The following CDK2 variants were observed in gnomAD, a reference collection of about 807,000 sequenced individuals.
CDK2 encodes the protein cyclin dependent kinase 2.
A neutral mutation model predicts 35.0 loss-of-function variants in CDK2; 8 were observed. The observed-to-expected ratio is 0.23, with a 90% CI of 0.13 to 0.41. The LOEUF is 0.41. Among genes scored for constraint, CDK2 ranks in the 10% least tolerant of loss-of-function variants. The pLI, the probability that CDK2 is intolerant of heterozygous loss-of-function variation, is 1.00. For missense variants in CDK2, 201 were observed against 367.1 expected (o/e 0.55, Z 3.70); for synonymous variants, 134 against 137.7 (o/e 0.97, Z 0.19).
chr12:55,967,297 C>CT, intron 1 of CDK2, 173 bp downstream of exon 1: 1 of 610,684 alleles, frequency 1.6e-6, no homozygotes, highest in Non-Finnish European at 2.9e-6. Flanking sequence ...CTTATACTCC[C>CT]TGGGGAGAGT....
At chr12:55,968,257 C>T in intron 3 of CDK2, 88 bp downstream of exon 3, 1 of 1,479,312 alleles carries the variant, frequency 6.8e-7, no homozygotes, top group South Asian at 1.2e-5. Flanking sequence ...ATGATTTTGG[C>T]CTCCTTCTGA....
chr12:55,968,699 T>G lies in CDK2; in HGVS notation c.316-79T>G, dbSNP rs113593981. On this transcript the variant is annotated intron_variant, in intron 3 of 6. Coordinates refer to ENST00000266970, the MANE Select transcript of CDK2 (RefSeq NM_001798.5). ...TAATCCAACATAATAAAGGCTTTAG[T>G]AGAGTTTTAGGGGCACAGAGCAAAC... 128 of 1,076,158 alleles carry G rather than the reference T, an allele frequency of 1.2e-4. No homozygotes were observed. The African/African-American group carries it at 1.8e-3, about 15-fold the overall frequency. 66.7% of individuals were successfully genotyped at this position (1,076,158 alleles called of 1,614,324 possible).
In CDK2 at chr12:55,967,866, G is replaced by T; in HGVS notation, c.126G>T (p.Glu42Asp). 1 of 1,613,806 alleles carries T rather than the reference G, an allele frequency of 6.2e-7. No individual in the cohort carries two copies. The highest frequency in any genetic ancestry group is 8.5e-7 in the Non-Finnish European group (1 of 1,179,710). ...TCCCAACCTCTCCAAGTGAGACTGA[G>T]GGTGTGCCCAGTACTGCCATCCGAG... Reference protein sequence around the residue: ...LKKIRLDTETEGVPSTAIREI... With the variant: ...LKKIRLDTETDGVPSTAIREI... The change falls in exon 2 of 7, where the codon GAG becomes GAT. Residue 42 changes from glutamate to aspartate, a missense_variant. Glu to Asp is a conservative substitution (Grantham distance 45). This residue lies in a region of CDK2 where 37 missense variants were observed against 108.4 expected (regional missense o/e 0.34). Transcript: ENST00000266970.
At position 55,966,837 on chromosome 12, in the gene CDK2, C is replaced by G; in HGVS notation, c.-172C>G. On this transcript the variant is annotated 5_prime_UTR_variant, in exon 1 of 7. Coordinates refer to ENST00000266970, the MANE Select transcript of CDK2 (RefSeq NM_001798.5). ...TCGGTGGGAGGCGGCAACATTGTTT[C>G]AAGTTGGCCAAATTGACAAGAGCGA... 1 of 869,380 alleles carries G rather than the reference C, an allele frequency of 1.2e-6. No homozygotes were observed. Among genetic ancestry groups the G allele is most frequent in the Non-Finnish European group, 1.7e-6 (1 of 597,174 alleles). 53.9% of individuals were successfully genotyped at this position (869,380 alleles called of 1,614,324 possible). A position where few individuals can be genotyped will look rare whatever the true frequency, so the allele number is the denominator to read the frequency against.
Position 55,967,038 on chromosome 12 carries a change from C to A in CDK2, c.30C>A (p.Ile10=). The A allele has an allele frequency of 1.2e-6, 2 of 1,613,682 alleles. No homozygotes were observed. Among genetic ancestry groups the A allele is most frequent in the Non-Finnish European group, 1.7e-6 (2 of 1,179,858 alleles). The change falls in exon 1 of 7, where the codon ATC becomes ATA. Residue 10 remains isoleucine, a synonymous_variant. Transcript: ENST00000266970. Reference sequence around the variant, plus strand: ...AGAACTTCCAAAAGGTGGAAAAGATCGGAGAGGGCACGTACGGAGTTGTGT... The same window carrying A: ...AGAACTTCCAAAAGGTGGAAAAGATAGGAGAGGGCACGTACGGAGTTGTGT... MENFQKVEK[I]GEGTYGVVYK...
chr12:55,968,378 G>A (rs1329104582), intron 3 of CDK2: 2 of 562,704 alleles, frequency 3.6e-6, no homozygotes, highest in Non-Finnish European at 3.1e-6. Context: ...AAACTCTAGT[G>A]AGTCAACCTA....
chr12:55,970,981 A>G (rs763384412), intron 5 of CDK2, 63 bp from the exon 6 acceptor site: 18 of 1,423,042 alleles, frequency 1.3e-5, no homozygotes, highest in South Asian at 1.1e-4. Flanking sequence ...ACTCCTTTGT[A>G]TAGAGGAGAG....
In CDK2 at chr12:55,967,918, C is replaced by G. The variant is rs372713896; in HGVS notation, c.178C>G (p.His60Asp). 6.2e-7 allele frequency: 1 copy of G among 1,613,858 alleles called. No homozygotes were observed. The highest frequency in any genetic ancestry group is 1.3e-5 in the African/African-American group (1 of 74,868). The change falls in exon 2 of 7, where the codon CAT becomes GAT. Residue 60 changes from histidine to aspartate, a missense_variant. Coordinates refer to ENST00000266970, the MANE Select transcript of CDK2 (RefSeq NM_001798.5). ...REISLLKELN[H>D]PNIVKLLDVI... is the part of the protein sequence containing the mutation. ...GATCTCTCTGCTTAAGGAGCTTAAC[C>G]ATCCTAATATTGTCAAGTAAGTATG...
At chr12:55,970,551 C>T in intron 5 of CDK2, 1 of 696,062 alleles carries the variant, frequency 1.4e-6, no homozygotes, top group Non-Finnish European at 2.6e-6. Flanking sequence ...CATTACCTTA[C>T]AATTGTCCGT....
At chr12:55,968,678 C>G in intron 3 of CDK2, 100 bp from the exon 4 acceptor site, 1 of 866,304 alleles carries the variant, frequency 1.2e-6, no homozygotes. Context: ...TAACTATAAT[C>G]CAACATAATA....
At position 55,971,695 on chromosome 12, in the gene CDK2, T is replaced by G; in HGVS notation, c.*70T>G. 1.7e-6 allele frequency: 2 copies of G among 1,176,438 alleles called. No homozygotes were observed. Among genetic ancestry groups the G allele is most frequent in the Non-Finnish European group, 2.5e-6 (2 of 790,850 alleles). 72.9% of individuals were successfully genotyped at this position (1,176,438 alleles called of 1,614,324 possible). On this transcript the variant is annotated 3_prime_UTR_variant, in exon 7 of 7. Coordinates refer to ENST00000266970, the MANE Select transcript of CDK2 (RefSeq NM_001798.5). ...GTGTGGGCTTGACCAGGCTTGGCCT[T>G]GGGCTATTTGGACTCAGGTGGGCCC...
chr12:55,967,888 C>G lies in CDK2; in HGVS notation c.148C>G (p.Arg50Gly). The change falls in exon 2 of 7, where the codon CGA becomes GGA. Residue 50 changes from arginine (R) to glycine (G), a missense_variant. Around this residue, in one of 5 missense-constraint regions of CDK2, gnomAD observed 37 missense variants for 108.4 expected, o/e 0.34. Coordinates refer to ENST00000266970, the MANE Select transcript of CDK2 (RefSeq NM_001798.5). ...TGAGGGTGTGCCCAGTACTGCCATCCGAGAGATCTCTCTGCTTAAGGAGCT... is the reference window on the plus strand; with the variant it reads ...TGAGGGTGTGCCCAGTACTGCCATCGGAGAGATCTCTCTGCTTAAGGAGCT... ...ETEGVPSTAI[R>G]EISLLKELNH... The G allele has an allele frequency of 6.2e-7, 1 of 1,614,016 alleles. No homozygotes were observed. The highest frequency in any genetic ancestry group is 8.5e-7 in the Non-Finnish European group (1 of 1,179,956).
At chr12:55,968,200 G>C in intron 3 of CDK2, 31 bp downstream of exon 3, 2 of 1,611,992 alleles carry the variant, frequency 1.2e-6, no homozygotes, top group Non-Finnish European at 1.7e-6. Context: ...CTCTCATCAT[G>C]GGCATGTCTT....
chr12:55,967,522 T>C, intron 1 of CDK2: 1 of 440,530 alleles, frequency 2.3e-6, no homozygotes. Flanking sequence ...AATTCTCTCC[T>C]CTTTCCAAAG....
chr12:55,971,375 T>C, intron 6 of CDK2, 128 bp downstream of exon 6: 1 of 1,102,988 alleles, frequency 9.1e-7, no homozygotes, highest in Non-Finnish European at 1.4e-6. Context: ...CTCTCCCTGT[T>C]GGCACACTGA....
intron 5 of CDK2, among the ~76,000 whole-genome samples, chr12:55,970,438 C>G (rs1158733304): frequency 6.6e-6 from 1 of 151,748 alleles, no homozygotes; most frequent in Admixed American, 6.6e-5. Context: ...AGTAGGCTGT[C>G]TTCAAATCAG....
intron 5 of CDK2, chr12:55,970,479 G>A (rs1214713679): frequency 5.0e-6 from 3 of 605,192 alleles, no homozygotes; most frequent in Non-Finnish European, 5.9e-6. Flanking sequence ...TATCTTGGTT[G>A]TAACCAAGAG....
intron 1 of CDK2, 143 bp from the exon 2 acceptor site, chr12:55,967,714 A>G: frequency 1.5e-6 from 1 of 671,228 alleles, no homozygotes; most frequent in East Asian, 2.7e-5. Flanking sequence ...CCCAAGAATT[A>G]GCTCTTACCA....
At chr12:55,970,288 CAAAAAAA>C (rs60371110) in intron 5 of CDK2, among the ~76,000 whole-genome samples, 32 of 21,864 alleles carry the variant, frequency 1.5e-3, no homozygotes, top group South Asian at 6.8e-3. Flanking sequence ...GATTCCATCT[CAAAAAAA>C]AAAAAAAAAA....
Sources: gnomAD v4.1 joint callset for allele counts (sites outside exome capture counted in the v4.1 genomes callset) on GRCh38, gnomAD v4.1.1 for gene constraint, gnomAD v4.1.1 regional missense constraint, MANE v1.5 for transcripts, NCBI Gene and HGNC (gene_info 2026-07-23, HGNC 2026-07-21) for gene names.